The following ANKRD30A variants were observed in gnomAD, a reference collection of about 807,000 sequenced individuals.
ANKRD30A encodes ankyrin repeat domain 30A.
ANKRD30A carries 170 observed loss-of-function variants against 166.3 expected under a neutral mutation model. That is an observed-to-expected ratio of 1.02 (90% CI 0.90 to 1.16). ANKRD30A has a LOEUF of 1.16. ANKRD30A is among the 50% of genes most tolerant of loss of function. ANKRD30A has a pLI of 0.00. For missense variants in ANKRD30A, 1,630 were observed against 1,518.0 expected (o/e 1.07, Z -1.23); for synonymous variants, 564 against 508.9 (o/e 1.11, Z -1.46).
At chr10:37,182,874 G>A (rs1315628299) in intron 24 of ANKRD30A, among the ~76,000 whole-genome samples, 2 of 150,716 alleles carry the variant, frequency 1.3e-5, no homozygotes, top group Admixed American at 1.3e-4. Flanking sequence ...GGAATTACAG[G>A]CATGAGGCAC....
Position 37,199,824 on chromosome 10 carries a change from T to C in ANKRD30A, c.2778+36T>C, listed in dbSNP as rs372438740. ...TTATTGATTTTTTTAAATATTAGTA[T>C]TGCATGATATGAAAACATAAAATCA... On this transcript the variant is annotated intron_variant, in intron 30 of 35. Transcript: ENST00000361713. The C allele has an allele frequency of 6.2e-5, 79 of 1,268,702 alleles. No individual in the cohort carries two copies. In the African/African-American group the frequency reaches 1.1e-3, roughly 17 times the overall value. 78.6% of individuals were successfully genotyped at this position (1,268,702 alleles called of 1,614,324 possible).
intron 18 of ANKRD30A, among the ~76,000 whole-genome samples, chr10:37,165,416 C>G (rs1588847259): frequency 6.6e-6 from 1 of 152,316 alleles, no homozygotes; most frequent in Middle Eastern, 3.4e-3. Flanking sequence ...ACTAGAAATT[C>G]ACATGGGATC....
chr10:37,201,565 A>T (rs925666116), intron 31 of ANKRD30A, among the ~76,000 whole-genome samples: 3 of 152,098 alleles, frequency 2.0e-5, no homozygotes, highest in Non-Finnish European at 4.4e-5. Context: ...ACCTGAGGAC[A>T]ATGAGAAAAT....
intron 24 of ANKRD30A, among the ~76,000 whole-genome samples, chr10:37,183,612 T>C (rs1310440118): frequency 7.5e-5 from 11 of 147,136 alleles, no homozygotes; most frequent in African/African-American, 2.7e-4. Context: ...TCTTTTTCCC[T>C]AGAGAGGATC....
At chr10:37,178,989 T>A (rs191296721) in intron 24 of ANKRD30A, among the ~76,000 whole-genome samples, 60 of 148,628 alleles carry the variant, frequency 4.0e-4, no homozygotes, top group African/African-American at 1.4e-3. Context: ...ACTCATTAAT[T>A]TTCTTTATTA....
intron 5 of ANKRD30A, among the ~76,000 whole-genome samples, 187 bp downstream of exon 5, chr10:37,134,240 G>A (rs1564467401): frequency 6.6e-6 from 1 of 152,112 alleles, no homozygotes; most frequent in African/African-American, 2.4e-5. Flanking sequence ...TCCTAATGTT[G>A]TCTACTTGAT....
chr10:37,248,034 A>T, the ANKRD30A span: 1 of 371,156 alleles, frequency 2.7e-6, no homozygotes, highest in Non-Finnish European at 5.3e-6. Flanking sequence ...AACTGAAAAA[A>T]AAAAAAATCA....
chr10:37,152,953 G>A (rs17590251), intron 12 of ANKRD30A, among the ~76,000 whole-genome samples: 106 of 152,134 alleles, frequency 7.0e-4, no homozygotes, highest in South Asian at 1.9e-3. Context: ...TAGATGTGAC[G>A]TAATTTTTTT....
rs556721383 is a variant in ANKRD30A, at chr10:37,154,652, G to A, written c.1798+990G>A. 5.3e-5 allele frequency among the ~76,000 whole-genome samples: 8 copies of A among 152,238 alleles called. No homozygotes were observed. In the South Asian group the frequency reaches 1.7e-3, roughly 32 times the overall value. On this transcript the variant is annotated intron_variant, in intron 13 of 35. Coordinates refer to ENST00000361713, the MANE Select transcript of ANKRD30A (RefSeq NM_052997.3). Reference sequence around the variant, plus strand: ...AGGTGTTGAATGGGAAGAACCAAGAGCACAAGTCTAGAGATTATTTTTGCT... The same window carrying A: ...AGGTGTTGAATGGGAAGAACCAAGAACACAAGTCTAGAGATTATTTTTGCT...
At chr10:37,246,345 G>T in the ANKRD30A span, among the ~76,000 whole-genome samples, 13 of 152,202 alleles carry the variant, frequency 8.5e-5, 1 homozygote, top group South Asian at 2.7e-3. Flanking sequence ...GCATTTGTCC[G>T]ATAAACTGAA....
intron 31 of ANKRD30A, among the ~76,000 whole-genome samples, chr10:37,203,762 T>G (rs185699363): frequency 6.6e-6 from 1 of 152,302 alleles, no homozygotes; most frequent in Admixed American, 6.5e-5. Flanking sequence ...GAAATCTTCT[T>G]AAGCTGATAT....
chr10:37,211,812 T>G (rs1331686144), intron 31 of ANKRD30A, among the ~76,000 whole-genome samples: 1 of 152,138 alleles, frequency 6.6e-6, no homozygotes, highest in African/African-American at 2.4e-5. Context: ...CCTGACTTTT[T>G]AATGATCGCC....
chr10:37,183,447 G>C (rs1157369612), intron 24 of ANKRD30A, among the ~76,000 whole-genome samples: 3 of 146,510 alleles, frequency 2.0e-5, no homozygotes, highest in African/African-American at 7.4e-5. Context: ...ATAACAAATG[G>C]GCTCTTGTAT....
At chr10:37,245,223 TA>T in the ANKRD30A span, among the ~76,000 whole-genome samples, 21 of 152,256 alleles carry the variant, frequency 1.4e-4, no homozygotes, top group African/African-American at 5.1e-4. Flanking sequence ...TTTTTATATA[TA>T]TTTTTTCTTT....
intron 34 of ANKRD30A, among the ~76,000 whole-genome samples, chr10:37,223,021 T>C (rs1842965616): frequency 6.6e-6 from 1 of 151,444 alleles, no homozygotes; most frequent in African/African-American, 2.4e-5. Context: ...AAAGTTTTAT[T>C]TGAAATATAT....
chr10:37,189,688 G>A (rs1840368884), intron 25 of ANKRD30A, 131 bp downstream of exon 25: 3 of 600,982 alleles, frequency 5.0e-6, no homozygotes. Context: ...GAAGTGCAAT[G>A]GTCATAAGCT....
chr10:37,179,717 T>G (rs1840056372), intron 24 of ANKRD30A, among the ~76,000 whole-genome samples: 1 of 138,694 alleles, frequency 7.2e-6, no homozygotes, highest in Non-Finnish European at 1.6e-5. Context: ...ATGATATAAA[T>G]TATTATAATG....
intron 13 of ANKRD30A, among the ~76,000 whole-genome samples, chr10:37,156,708 A>G (rs1838411670): frequency 6.6e-6 from 1 of 152,176 alleles, no homozygotes; most frequent in Admixed American, 6.5e-5. Context: ...TTTTACCTAA[A>G]ACAAGCAGAT....
downstream of ANKRD30A, among the ~76,000 whole-genome samples, chr10:37,236,223 AT>A (rs1319935508): frequency 1.3e-5 from 2 of 152,106 alleles, no homozygotes; most frequent in African/African-American, 4.8e-5. Context: ...TGATTCTCCT[AT>A]TTCTTTCCCT....
Sources: allele counts gnomAD v4.1 joint callset (sites outside exome capture counted in the v4.1 genomes callset), GRCh38; gene constraint gnomAD v4.1.1; transcripts MANE v1.5; gene names NCBI Gene and HGNC (gene_info 2026-07-23, HGNC 2026-07-21).